Variants in SMYD3 observed in about 807,000 individuals in gnomAD.
The protein encoded by SMYD3 is SET and MYND domain containing 3, also known as histone-lysine N-methyltransferase SMYD3.
Under a neutral mutation model 57.7 loss-of-function variants are expected in SMYD3, and 36 were observed. The observed-to-expected ratio is 0.62, with a 90% CI of 0.48 to 0.82. The LOEUF is 0.82. SMYD3 is among the 40% of genes least tolerant of loss of function. The pLI, the probability that SMYD3 is intolerant of heterozygous loss-of-function variation, is 0.00. For synonymous variants in SMYD3, 211 were observed against 195.0 expected (o/e 1.08, Z -0.68); for missense variants, 515 against 538.8 (o/e 0.96, Z 0.44).
At chr1:246,311,847 A>G (rs1455833339) in intron 5 of SMYD3, among the ~76,000 whole-genome samples, 1 of 152,206 alleles carries the variant, frequency 6.6e-6, no homozygotes, top group Non-Finnish European at 1.5e-5. Flanking sequence ...GAAATACCCT[A>G]TGGACATTAG....
At chr1:246,041,947 C>T (rs1275088717) in intron 5 of SMYD3, among the ~76,000 whole-genome samples, 1 of 152,130 alleles carries the variant, frequency 6.6e-6, no homozygotes, top group Non-Finnish European at 1.5e-5. Context: ...AACACTTTTT[C>T]TAACACTCTC....
At chr1:246,112,205 C>T in intron 5 of SMYD3, among the ~76,000 whole-genome samples, 1 of 152,098 alleles carries the variant, frequency 6.6e-6, no homozygotes, top group Non-Finnish European at 1.5e-5. Context: ...TAACTCTCTC[C>T]AAATCTATAC....
chr1:245,881,891 G>A (rs1170980762), intron 8 of SMYD3, among the ~76,000 whole-genome samples: 1 of 152,220 alleles, frequency 6.6e-6, no homozygotes, highest in East Asian at 1.9e-4. Flanking sequence ...AAGTGCAAAG[G>A]CCCCAGGACA....
chr1:245,796,564 G>C (rs2791392), intron 10 of SMYD3, among the ~76,000 whole-genome samples: 133,925 of 152,204 alleles, frequency 0.88, 59,148 homozygotes, highest in Middle Eastern at 0.94. Context: ...ACATATTTAT[G>C]ATTTTCACAG....
intron 5 of SMYD3, among the ~76,000 whole-genome samples, chr1:246,181,258 C>A (rs2062547272): frequency 6.6e-6 from 1 of 152,200 alleles, no homozygotes; most frequent in Non-Finnish European, 1.5e-5. Context: ...CACTGAAGGA[C>A]AAAGGTTTTC....
intron 5 of SMYD3, among the ~76,000 whole-genome samples, chr1:246,162,802 C>T (rs1351609134): frequency 6.6e-6 from 1 of 152,150 alleles, no homozygotes; most frequent in Non-Finnish European, 1.5e-5. Flanking sequence ...CTCAGACTTA[C>T]CTCACTTGTT....
intron 1 of SMYD3, among the ~76,000 whole-genome samples, chr1:246,479,416 T>G (rs1196891873): frequency 2.0e-5 from 3 of 152,120 alleles, no homozygotes; most frequent in African/African-American, 7.2e-5. Context: ...TTGTTGAGAT[T>G]ACATCTTGCC....
At chr1:246,375,737 GTT>G (rs1301793691) in intron 1 of SMYD3, among the ~76,000 whole-genome samples, 1 of 151,886 alleles carries the variant, frequency 6.6e-6, no homozygotes, top group African/African-American at 2.4e-5. Flanking sequence ...TGTTGTTTTT[GTT>G]TTTGTTTTGA....
chr1:245,831,132 A>G (rs1422434070), intron 10 of SMYD3, among the ~76,000 whole-genome samples: 1 of 152,168 alleles, frequency 6.6e-6, no homozygotes, highest in Non-Finnish European at 1.5e-5. Flanking sequence ...CAGATTCCCC[A>G]ATATTTTAGC....
chr1:245,843,092 T>C (rs1222996342), intron 10 of SMYD3, among the ~76,000 whole-genome samples: 1 of 152,208 alleles, frequency 6.6e-6, no homozygotes, highest in Non-Finnish European at 1.5e-5. Flanking sequence ...TTCTCTCTCA[T>C]GTTCTTTGGG....
chr1:246,353,810 C>T (rs1171559895), intron 2 of SMYD3, among the ~76,000 whole-genome samples: 7 of 152,098 alleles, frequency 4.6e-5, no homozygotes, highest in Admixed American at 4.6e-4. Flanking sequence ...TAATACAGTG[C>T]CTGGCACACA....
chr1:246,355,541 G>A lies in SMYD3; in HGVS notation c.165-447C>T, dbSNP rs2065898906. 6.6e-6 allele frequency among the ~76,000 whole-genome samples: 1 copy of A among 152,160 alleles called. No homozygotes were observed. The highest frequency in any genetic ancestry group is 2.4e-5 in the African/African-American group (1 of 41,442). On this transcript the variant is annotated intron_variant, in intron 1 of 11. Coordinates refer to ENST00000490107, the MANE Select transcript of SMYD3 (RefSeq NM_001167740.2). This position sits in a 1 kb window ranked among gnomAD's most constrained non-coding sequence, Gnocchi z 5.0. Reference sequence around the variant, plus strand: ...TGCTCAGCAGGGAGGCTGGCGGTCTGGGGCAAGTTCTCAGCCACAGTCACC... The same window carrying A: ...TGCTCAGCAGGGAGGCTGGCGGTCTAGGGCAAGTTCTCAGCCACAGTCACC...
At chr1:245,817,422 G>A (rs1432869930) in intron 10 of SMYD3, among the ~76,000 whole-genome samples, 1 of 149,642 alleles carries the variant, frequency 6.7e-6, no homozygotes, top group East Asian at 2.0e-4. Flanking sequence ...AAGACCAAAA[G>A]TAGATAAAAC....
chr1:245,774,146 G>C (rs992566425), intron 10 of SMYD3, among the ~76,000 whole-genome samples: 3 of 152,168 alleles, frequency 2.0e-5, no homozygotes, highest in Non-Finnish European at 4.4e-5. Context: ...AGTGAAGAAG[G>C]ACTCCTGACA....
intron 10 of SMYD3, among the ~76,000 whole-genome samples, chr1:245,786,898 A>T (rs1304153739): frequency 6.6e-6 from 1 of 152,220 alleles, no homozygotes; most frequent in Non-Finnish European, 1.5e-5. Context: ...CTCAGCACAA[A>T]ATCAAAGAAA....
chr1:246,121,432 C>CAAAAAAAAAA (rs10646615), intron 5 of SMYD3, among the ~76,000 whole-genome samples: 1 of 100,298 alleles, frequency 1.0e-5, no homozygotes, highest in Admixed American at 1.1e-4. Context: ...TTCCATTTTG[C>CAAAAAAAAAA]AAAAAAAAAA....
In SMYD3 at chr1:246,465,374, C is replaced by T. The variant is rs573717947; in HGVS notation, c.164+41680G>A. 1.9e-4 allele frequency among the ~76,000 whole-genome samples: 29 copies of T among 152,316 alleles called. No homozygotes were observed. The East Asian group carries it at 3.7e-3, about 19-fold the overall frequency. On this transcript the variant is annotated intron_variant, in intron 1 of 11. Coordinates refer to ENST00000490107, the MANE Select transcript of SMYD3 (RefSeq NM_001167740.2). ...AGTAATAATGCACTTGTAGGACTAA[C>T]TATGAGCTGCCATCACTCTGTAAAT...
chr1:246,038,352 C>T (rs2059813011), intron 5 of SMYD3, among the ~76,000 whole-genome samples: 1 of 152,090 alleles, frequency 6.6e-6, no homozygotes, highest in African/African-American at 2.4e-5. Context: ...ATGCTACCAC[C>T]AAGAGTCTTC....
intron 5 of SMYD3, among the ~76,000 whole-genome samples, chr1:246,040,934 G>A (rs2059860014): frequency 6.6e-6 from 1 of 152,036 alleles, no homozygotes; most frequent in Non-Finnish European, 1.5e-5. Flanking sequence ...AGAACCACAT[G>A]GTAGAAAAAA....
Sources: gnomAD v4.1 joint callset for allele counts (sites outside exome capture counted in the v4.1 genomes callset) on GRCh38, gnomAD v4.1.1 for gene constraint, Gnocchi (gnomAD v3.1) non-coding constraint, MANE v1.5 for transcripts, NCBI Gene and HGNC (gene_info 2026-07-23, HGNC 2026-07-21) for gene names.